PANX1: variants seen among roughly 807,000 people sequenced by gnomAD.
PANX1 encodes the protein pannexin 1, also known as pannexin-1.
Under a neutral mutation model 38.7 loss-of-function variants are expected in PANX1, and 30 were observed. The observed-to-expected ratio is 0.78, with a 90% CI of 0.58 to 1.05. The LOEUF is 1.05. Ranked by LOEUF, PANX1 falls within the 50% of genes least tolerant of loss-of-function variation. The pLI is 0.00. For missense variants in PANX1, 551 were observed against 517.2 expected (o/e 1.07, Z -0.63); for synonymous variants, 230 against 212.2 (o/e 1.08, Z -0.73).
intron 1 of PANX1, among the ~76,000 whole-genome samples, chr11:94,129,937 T>C (rs1199922966): frequency 6.6e-5 from 10 of 152,230 alleles, no homozygotes; most frequent in African/African-American, 2.4e-4. Flanking sequence ...GTTCTTTCAG[T>C]GTCTTACATA....
intron 2 of PANX1, among the ~76,000 whole-genome samples, chr11:94,161,600 G>A (rs1357945334): frequency 1.3e-5 from 2 of 152,018 alleles, no homozygotes; most frequent in African/African-American, 2.4e-5. Context: ...CTCTGCATTG[G>A]TTATTCTAGT....
At chr11:94,164,125 T>C (rs1947077415) in intron 2 of PANX1, among the ~76,000 whole-genome samples, 1 of 151,984 alleles carries the variant, frequency 6.6e-6, no homozygotes. Context: ...CTTTTTTTTT[T>C]AGTCTGGCTA....
At chr11:94,164,477 A>T (rs1157665040) in intron 2 of PANX1, among the ~76,000 whole-genome samples, 1 of 152,202 alleles carries the variant, frequency 6.6e-6, no homozygotes, top group African/African-American at 2.4e-5. Context: ...ATTCAGGAGC[A>T]TATTAATTTC....
At chr11:94,155,758 G>A (rs1467391620) in intron 2 of PANX1, among the ~76,000 whole-genome samples, 3 of 152,204 alleles carry the variant, frequency 2.0e-5, no homozygotes, top group South Asian at 2.1e-4. Flanking sequence ...TTGTTCAAGC[G>A]TCAACTGTAC....
At chr11:94,169,725 T>A (rs1303352008) in intron 2 of PANX1, among the ~76,000 whole-genome samples, 1 of 151,586 alleles carries the variant, frequency 6.6e-6, no homozygotes, top group Non-Finnish European at 1.5e-5. Context: ...AGCCAAGGAA[T>A]GCTGGGGCGA....
At chr11:94,140,499 T>C (rs565505353) in intron 1 of PANX1, among the ~76,000 whole-genome samples, 2 of 152,252 alleles carry the variant, frequency 1.3e-5, no homozygotes, top group Non-Finnish European at 1.5e-5. Context: ...TTCATGTTAG[T>C]GCATGCAGAT....
At chr11:94,158,724 A>G (rs11020665) in intron 2 of PANX1, among the ~76,000 whole-genome samples, 21,396 of 152,158 alleles carry the variant, frequency 0.14, 1,490 homozygotes, top group African/African-American at 0.17. Flanking sequence ...TCTTTTCCTG[A>G]TTGAATGCCC....
At chr11:94,176,930 G>C (rs1346829764) in intron 2 of PANX1, among the ~76,000 whole-genome samples, 1 of 151,694 alleles carries the variant, frequency 6.6e-6, no homozygotes. Flanking sequence ...CAGGGTTGCT[G>C]TGAGGACTGA....
chr11:94,131,852 A>C (rs1030081810), intron 1 of PANX1, among the ~76,000 whole-genome samples: 1 of 152,112 alleles, frequency 6.6e-6, no homozygotes, highest in Non-Finnish European at 1.5e-5. Flanking sequence ...ACTCAGCCAA[A>C]AACAAACCAA....
At chr11:94,148,183 G>A (rs1946848680) in intron 1 of PANX1, among the ~76,000 whole-genome samples, 1 of 152,198 alleles carries the variant, frequency 6.6e-6, no homozygotes, top group South Asian at 2.1e-4. Context: ...AAAAGTGAAG[G>A]CAGTAATGGA....
chr11:94,180,790 G>A lies in PANX1; in HGVS notation c.1202G>A (p.Gly401Asp). The A allele has an allele frequency of 1.4e-6, 2 of 1,463,608 alleles. No individual in the cohort carries two copies. The highest frequency in any genetic ancestry group is 1.9e-6 in the Non-Finnish European group (2 of 1,042,952). The allele number at this position is 1,463,608 out of a possible 1,614,324, so 90.7% of individuals were successfully genotyped here. A position where few individuals can be genotyped will look rare whatever the true frequency, so the allele number is the denominator to read the frequency against. ...AAATATTTGTTTTCAATTTTGACAG[G>A]TATGAACATAGACAGTGAAACTAAA... is the stretch of plus-strand genomic sequence containing the variant. ...EQGNQTAELQ[G>D]MNIDSETKAN... Residue 401 changes from glycine (G) to aspartate (D), a missense_variant and splice_region_variant, in exon 5 of 5, where the codon GGT becomes GAT. Physicochemically the swap from Gly to Asp is moderately conservative, Grantham distance 94 (BLOSUM62 -1). Transcript: ENST00000227638.
At chr11:94,149,999 G>A (rs762673515) in intron 1 of PANX1, among the ~76,000 whole-genome samples, 1 of 152,120 alleles carries the variant, frequency 6.6e-6, no homozygotes, top group Non-Finnish European at 1.5e-5. Context: ...GTTCAAAGTG[G>A]TTTTCTGCAC....
intron 2 of PANX1, among the ~76,000 whole-genome samples, chr11:94,158,486 A>G (rs1946982104): frequency 6.6e-6 from 1 of 151,810 alleles, no homozygotes; most frequent in African/African-American, 2.4e-5. Context: ...TTGGATTCCT[A>G]GGTATTTTAT....
chr11:94,179,637 C>CAATTGTG lies in PANX1; in HGVS notation c.582_588dup (p.Glu197AsnfsTer13), dbSNP rs771686971. ...GTATCTGAAAGCCACTTCAAGTACC[C>CAATTGTG]AATTGTGGAGCAGTACTTGAAGACA... On this transcript the variant is annotated frameshift_variant, in exon 4 of 5. Coordinates refer to ENST00000227638, the MANE Select transcript of PANX1 (RefSeq NM_015368.4). LOFTEE classifies it high-confidence loss of function. The CAATTGTG allele has an allele frequency of 6.2e-7, 1 of 1,613,358 alleles. No homozygotes were observed. The highest frequency in any genetic ancestry group is 1.1e-5 in the South Asian group (1 of 90,970).
intron 1 of PANX1, among the ~76,000 whole-genome samples, chr11:94,133,271 A>G (rs1221129104): frequency 2.0e-5 from 3 of 152,126 alleles, no homozygotes; most frequent in African/African-American, 7.2e-5. Context: ...TGTGTTGGGG[A>G]CAGAGAGCAG....
At chr11:94,153,412 A>G (rs1946908348) in intron 1 of PANX1, 79 bp from the exon 2 acceptor site, 1 of 1,515,570 alleles carries the variant, frequency 6.6e-7, no homozygotes, top group Admixed American at 1.8e-5. Flanking sequence ...AACTTAGACA[A>G]AACTAAAAAC....
rs184355283 is a variant in PANX1 at position 94,162,709 on chromosome 11, C to T, written c.321+9079C>T. 2.2e-3 allele frequency among the ~76,000 whole-genome samples: 332 copies of T among 152,198 alleles called. 2 individuals are homozygous for T. Among genetic ancestry groups the T allele is most frequent in the African/African-American group, 7.4e-3 (307 of 41,522 alleles). On this transcript the variant is annotated intron_variant, in intron 2 of 4. Transcript: ENST00000227638. ...GCCCTGCTTCGGCTCACGCTGGGTG[C>T]GCGGCACCCACTGTCCTGCCCCCAC...
At chr11:94,152,777 G>A (rs1946898173) in intron 1 of PANX1, among the ~76,000 whole-genome samples, 1 of 152,194 alleles carries the variant, frequency 6.6e-6, no homozygotes, top group Non-Finnish European at 1.5e-5. Flanking sequence ...TCTTCAGTTT[G>A]CAGAGGAGAA....
chr11:94,130,370 A>G (rs772494107), intron 1 of PANX1, among the ~76,000 whole-genome samples: 8 of 152,152 alleles, frequency 5.3e-5, no homozygotes, highest in South Asian at 2.1e-4. Flanking sequence ...GAGATGGCAG[A>G]GAATGTTATA....
Sources: allele counts gnomAD v4.1 joint callset (sites outside exome capture counted in the v4.1 genomes callset), GRCh38; gene constraint gnomAD v4.1.1; transcripts MANE v1.5; gene names NCBI Gene and HGNC (gene_info 2026-07-23, HGNC 2026-07-21).